PKHD1L1: variants seen among roughly 807,000 people sequenced by gnomAD.
The protein encoded by PKHD1L1 is PKHD1 like 1.
A neutral mutation model predicts 462.9 loss-of-function variants in PKHD1L1; 434 were observed. That is an observed-to-expected ratio of 0.94 (90% confidence interval 0.87 to 1.02). The LOEUF (loss-of-function observed/expected upper bound fraction) is 1.02, where lower values mean the gene tolerates loss of function less well. Among genes scored for constraint, PKHD1L1 ranks in the 50% least tolerant of loss-of-function variants. The pLI is 0.00. For synonymous variants in PKHD1L1, 1,781 were observed against 1,750.0 expected, an observed-to-expected ratio of 1.02 and a Z score of -0.44; for missense variants, 5,202 against 5,096.1, an observed-to-expected ratio of 1.02 and a Z score of -0.63.
At chr8:109,464,109 AATAAATAT>A in intron 48 of PKHD1L1, 99 bp from the exon 49 acceptor site, 1 of 726,260 alleles carries the variant, frequency 1.4e-6, no homozygotes, top group Non-Finnish European at 1.8e-6. Flanking sequence ...ATTTGGAAGA[AATAAATAT>A]ATTAATAATA....
At position 109,420,372 on chromosome 8, in the gene PKHD1L1, C is replaced by T. The variant is rs145765078; in HGVS notation, c.2525-146C>T. 5.2e-4 allele frequency: 263 copies of T among 508,928 alleles called. No individual in the cohort carries two copies. In the East Asian group the frequency reaches 7.2e-3, roughly 14 times the overall value. 31.5% of individuals were successfully genotyped at this position (508,928 alleles called of 1,614,324 possible). ...TCTTTCTAATACTTGATTTTAAATA[C>T]TTCATGACAATGTTGATATTATTTG... is the stretch of plus-strand genomic sequence containing the variant. On this transcript the variant is annotated intron_variant, in intron 22 of 77. Transcript: ENST00000378402.
intron 45 of PKHD1L1, 91 bp from the exon 46 acceptor site, chr8:109,456,171 A>T: frequency 7.3e-7 from 1 of 1,364,938 alleles, no homozygotes; most frequent in Non-Finnish European, 9.8e-7. Context: ...TCCAACATTG[A>T]TTCAATTTAG....
intron 22 of PKHD1L1, among the ~76,000 whole-genome samples, chr8:109,419,866 C>G (rs558206976): frequency 5.3e-5 from 8 of 151,812 alleles, no homozygotes; most frequent in African/African-American, 1.7e-4. Context: ...CATTAGAATC[C>G]TTTTCTTTGG....
chr8:109,374,357 A>G (rs1332930375), intron 2 of PKHD1L1, among the ~76,000 whole-genome samples: 1 of 152,120 alleles, frequency 6.6e-6, no homozygotes, highest in Non-Finnish European at 1.5e-5. Flanking sequence ...TGCTTGGTAG[A>G]TCGTCCTCCA....
chr8:109,507,114 T>C (rs1819730190), intron 68 of PKHD1L1, among the ~76,000 whole-genome samples: 1 of 152,186 alleles, frequency 6.6e-6, no homozygotes, highest in South Asian at 2.1e-4. Context: ...TATAAGAATA[T>C]ATACTAATCT....
At chr8:109,391,869 T>C (rs1812728926) in intron 9 of PKHD1L1, among the ~76,000 whole-genome samples, 1 of 152,194 alleles carries the variant, frequency 6.6e-6, no homozygotes, top group Admixed American at 6.5e-5. Context: ...GATCATCTAC[T>C]TCTAGACACC....
chr8:109,509,334 T>C (rs1464224359), intron 70 of PKHD1L1, among the ~76,000 whole-genome samples: 2 of 152,044 alleles, frequency 1.3e-5, no homozygotes, highest in East Asian at 1.9e-4. Flanking sequence ...CCAATAGCTC[T>C]GTTTTATATG....
chr8:109,396,300 T>C (rs986934354), intron 11 of PKHD1L1, among the ~76,000 whole-genome samples, 163 bp downstream of exon 11: 11 of 152,294 alleles, frequency 7.2e-5, no homozygotes, highest in South Asian at 4.1e-4. Flanking sequence ...GCTCTTTCCA[T>C]TGCAGTTTTC....
intron 50 of PKHD1L1, among the ~76,000 whole-genome samples, chr8:109,471,377 A>G (rs1817707551): frequency 2.0e-5 from 3 of 152,204 alleles, no homozygotes. Context: ...ATGCACAAAG[A>G]CAAGTAAAGA....
intron 25 of PKHD1L1, among the ~76,000 whole-genome samples, chr8:109,427,467 C>T (rs916687167): frequency 1.3e-5 from 2 of 151,940 alleles, no homozygotes; most frequent in African/African-American, 4.8e-5. Context: ...AGAACTAAAC[C>T]GAACTAAATC....
chr8:109,365,402 T>C (rs1399575724), intron 2 of PKHD1L1, among the ~76,000 whole-genome samples: 3 of 152,324 alleles, frequency 2.0e-5, no homozygotes, highest in Admixed American at 6.5e-5. Flanking sequence ...TATAATGTAA[T>C]GTCTTTTAAT....
Position 109,482,997 on chromosome 8 carries a change from T to G in PKHD1L1, c.9468T>G (p.Gly3156=). Reference sequence around the variant, plus strand: ...GCTTTTCTTCTTTAGGGGTGTTTGGTGAGCTGGATCTTCATGGAATTCCAC... The same window carrying G: ...GCTTTTCTTCTTTAGGGGTGTTTGGGGAGCTGGATCTTCATGGAATTCCAC... The part of the protein sequence containing the change: ...NQGAKVLGVF[G]ELDLHGIPHS... The change falls in exon 57 of 78, where the codon GGT becomes GGG. Residue 3156 remains glycine (G), a synonymous_variant. Coordinates refer to ENST00000378402, the MANE Select transcript of PKHD1L1 (RefSeq NM_177531.6). 1 of 1,589,936 alleles carries G rather than the reference T, an allele frequency of 6.3e-7. No homozygotes were observed. Among genetic ancestry groups the G allele is most frequent in the Non-Finnish European group, 8.6e-7 (1 of 1,168,300 alleles).
intron 60 of PKHD1L1, among the ~76,000 whole-genome samples, chr8:109,490,603 AT>A (rs1412799213): frequency 1.3e-5 from 2 of 151,716 alleles, no homozygotes; most frequent in Non-Finnish European, 3.0e-5. Context: ...CTAAAGTATT[AT>A]TTTTTGTAAT....
At chr8:109,392,461 G>C (rs1812756650) in intron 9 of PKHD1L1, among the ~76,000 whole-genome samples, 1 of 152,002 alleles carries the variant, frequency 6.6e-6, no homozygotes, top group South Asian at 2.1e-4. Context: ...GCATTAAATT[G>C]TTGATTCTGT....
intron 23 of PKHD1L1, among the ~76,000 whole-genome samples, chr8:109,424,791 C>G (rs891220323): frequency 2.5e-4 from 38 of 152,146 alleles, no homozygotes; most frequent in African/African-American, 7.5e-4. Context: ...AACAGAGTGC[C>G]TGCTCAATAA....
Position 109,435,228 on chromosome 8 carries a change from G to A in PKHD1L1, c.3379G>A (p.Gly1127Arg), listed in dbSNP as rs747846069. ...LKCQILNGSA[G>R]HAPVAVSMAD... ...GTGCCAGATTCTGAATGGAAGTGCT[G>A]GACATGCCCCCGTTGCTGTGTCCAT... Residue 1127 changes from glycine (G) to arginine (R), a missense_variant, in exon 29 of 78, where the codon GGA becomes AGA. Coordinates refer to ENST00000378402, the MANE Select transcript of PKHD1L1 (RefSeq NM_177531.6). 68 of 1,613,566 alleles carry A rather than the reference G, an allele frequency of 4.2e-5. No individual in the cohort carries two copies. The highest frequency in any genetic ancestry group is 5.6e-5 in the Non-Finnish European group (66 of 1,179,720).
intron 12 of PKHD1L1, among the ~76,000 whole-genome samples, chr8:109,399,232 T>G (rs1813128565): frequency 6.6e-6 from 1 of 152,172 alleles, no homozygotes; most frequent in South Asian, 2.1e-4. Context: ...ATTTTGATAA[T>G]TTATAATTGA....
chr8:109,383,327 T>G (rs1177958805), intron 4 of PKHD1L1, among the ~76,000 whole-genome samples: 1 of 109,120 alleles, frequency 9.2e-6, no homozygotes, highest in Non-Finnish European at 1.7e-5. Context: ...ATATAATTAA[T>G]ATTATATATA....
At chr8:109,484,922 T>C (rs772861568) in intron 57 of PKHD1L1, 122 bp from the exon 58 acceptor site, 5 of 756,186 alleles carry the variant, frequency 6.6e-6, no homozygotes, top group Non-Finnish European at 1.0e-5. Context: ...GTTTATTCTT[T>C]CTGATAATAC....
Sources: gnomAD v4.1 joint callset for allele counts (sites outside exome capture counted in the v4.1 genomes callset) on GRCh38, gnomAD v4.1.1 for gene constraint, MANE v1.5 for transcripts, NCBI Gene and HGNC (gene_info 2026-07-23, HGNC 2026-07-21) for gene names.